Variants in ACTR3C observed in about 807,000 individuals in gnomAD.
ACTR3C encodes actin related protein 3C.
Under a neutral mutation model 26.3 loss-of-function variants are expected in ACTR3C, and 18 were observed. The observed-to-expected ratio is 0.68, with a 90% CI of 0.47 to 1.01. The LOEUF is 1.01. ACTR3C is among the 50% of genes least tolerant of loss of function. ACTR3C has a pLI of 0.00. For missense variants in ACTR3C, 184 were observed against 250.7 expected, an observed-to-expected ratio of 0.73 and a Z score of 1.80; for synonymous variants, 55 against 94.5, an observed-to-expected ratio of 0.58 and a Z score of 2.42.
chr7:150,280,613 C>T (rs1835236293), intron 6 of ACTR3C, among the ~76,000 whole-genome samples: 1 of 152,018 alleles, frequency 6.6e-6, no homozygotes, highest in Non-Finnish European at 1.5e-5. Flanking sequence ...GAAGAGGGTA[C>T]GGTGTAGTGG....
the ACTR3C span, among the ~76,000 whole-genome samples, chr7:150,150,953 A>G: frequency 5.4e-4 from 74 of 137,444 alleles, 12 homozygotes; most frequent in Non-Finnish European, 1.0e-3. Context: ...AACATACTAA[A>G]TATATTAACA....
chr7:150,199,081 G>A, the ACTR3C span, among the ~76,000 whole-genome samples: 4 of 148,258 alleles, frequency 2.7e-5, no homozygotes, highest in East Asian at 1.9e-4. Flanking sequence ...CCCTCTGCCC[G>A]GCCGCCCCCC....
In ACTR3C at chr7:150,279,740, T is replaced by C. The variant is rs142930785; in HGVS notation, c.564+5013A>G. On this transcript the variant is annotated intron_variant, in intron 6 of 7. Transcript: ENST00000683684. ...TCTCAGACTCAGCTCAGATGGCAGC[T>C]TCTCAAAGCCTTTCTTGATCCCCTC... 9.1e-3 allele frequency among the ~76,000 whole-genome samples: 1,379 copies of C among 152,324 alleles called. 24 individuals are homozygous for C. The highest frequency in any genetic ancestry group is 0.03 in the African/African-American group (1,246 of 41,556).
the ACTR3C span, among the ~76,000 whole-genome samples, chr7:150,032,745 GAAC>G: frequency 6.6e-6 from 1 of 152,084 alleles, no homozygotes; most frequent in Admixed American, 6.5e-5. Context: ...CAGTTCTAAA[GAAC>G]AATAGGTTAC....
chr7:150,116,799 C>T, the ACTR3C span, among the ~76,000 whole-genome samples: 1 of 152,062 alleles, frequency 6.6e-6, no homozygotes, highest in East Asian at 1.9e-4. Flanking sequence ...GCCAAAATGG[C>T]CAAATAGGAA....
intron 6 of ACTR3C, among the ~76,000 whole-genome samples, chr7:150,261,210 C>T (rs988760324): frequency 2.6e-5 from 4 of 152,114 alleles, no homozygotes; most frequent in South Asian, 2.1e-4. Flanking sequence ...CTGGTGAGAC[C>T]GTCACAGGTA....
chr7:149,962,516 G>A, the ACTR3C span, among the ~76,000 whole-genome samples: 4 of 151,932 alleles, frequency 2.6e-5, no homozygotes, highest in African/African-American at 9.7e-5. Context: ...TCGGGAGTCA[G>A]GCCATGTCCC....
the ACTR3C span, among the ~76,000 whole-genome samples, chr7:150,198,473 G>A: frequency 2.1e-5 from 3 of 141,016 alleles, no homozygotes; most frequent in Non-Finnish European, 1.5e-5. Flanking sequence ...CGTCTGAGAT[G>A]TGGGGAGCGC....
the ACTR3C span, among the ~76,000 whole-genome samples, chr7:150,116,186 T>A: frequency 6.6e-6 from 1 of 152,364 alleles, no homozygotes; most frequent in African/African-American, 2.4e-5. Flanking sequence ...CTCCCTCTCC[T>A]AATTCAGCTA....
chr7:150,036,636 C>T, the ACTR3C span, among the ~76,000 whole-genome samples: 2 of 139,706 alleles, frequency 1.4e-5, no homozygotes, highest in African/African-American at 5.0e-5. Flanking sequence ...CCCACAGCTC[C>T]TAAGAATTCT....
the ACTR3C span, among the ~76,000 whole-genome samples, chr7:150,084,549 G>A: frequency 2.6e-5 from 4 of 152,134 alleles, no homozygotes; most frequent in Non-Finnish European, 5.9e-5. Context: ...ATGGCAGGAA[G>A]ATCTATGAGA....
the ACTR3C span, among the ~76,000 whole-genome samples, chr7:150,160,894 G>A: frequency 1.1e-4 from 16 of 146,756 alleles, no homozygotes; most frequent in Admixed American, 1.4e-4. Context: ...TTAGAATTCA[G>A]AGAAGGCAGA....
chr7:150,262,398 A>G (rs1333785181), intron 6 of ACTR3C, among the ~76,000 whole-genome samples: 1 of 152,304 alleles, frequency 6.6e-6, no homozygotes, highest in Admixed American at 6.5e-5. Context: ...TGTTGAAAAT[A>G]GAAATGTCTG....
At chr7:149,967,533 C>A in the ACTR3C span, among the ~76,000 whole-genome samples, 1 of 152,060 alleles carries the variant, frequency 6.6e-6, no homozygotes, top group Non-Finnish European at 1.5e-5. Flanking sequence ...GAGGTTGGGC[C>A]CCCTGTTGCT....
chr7:149,930,157 T>A, the ACTR3C span, among the ~76,000 whole-genome samples: 5 of 152,210 alleles, frequency 3.3e-5, no homozygotes, highest in Non-Finnish European at 5.9e-5. Flanking sequence ...ATGCAATGTA[T>A]GCCGCTGATG....
the ACTR3C span, among the ~76,000 whole-genome samples, chr7:149,917,789 C>T: frequency 6.6e-6 from 1 of 151,910 alleles, no homozygotes; most frequent in African/African-American, 2.4e-5. Flanking sequence ...GTGCACGACA[C>T]CATGCCTGGC....
At chr7:149,969,478 C>T in the ACTR3C span, among the ~76,000 whole-genome samples, 4 of 152,124 alleles carry the variant, frequency 2.6e-5, no homozygotes, top group Non-Finnish European at 5.9e-5. Context: ...TAGTGAGGGC[C>T]GTGCATGAGC....
At chr7:150,047,954 G>A in the ACTR3C span, 1 of 1,217,746 alleles carries the variant, frequency 8.2e-7, no homozygotes, top group Non-Finnish European at 1.0e-6. Flanking sequence ...AAAAAAGGCG[G>A]TGGGGAGGCA....
the ACTR3C span, among the ~76,000 whole-genome samples, chr7:150,143,610 C>T: frequency 6.6e-6 from 1 of 152,214 alleles, no homozygotes; most frequent in East Asian, 1.9e-4. Context: ...GTGAGTATAT[C>T]CGTCATGATT....
Sources: allele counts gnomAD v4.1 joint callset (sites outside exome capture counted in the v4.1 genomes callset), GRCh38; gene constraint gnomAD v4.1.1; transcripts MANE v1.5; gene names NCBI Gene and HGNC (gene_info 2026-07-23, HGNC 2026-07-21).